MACROD1: variants seen among roughly 807,000 people sequenced by gnomAD.
MACROD1 encodes ADP-ribose glycohydrolase MACROD1.
In MACROD1, 31 loss-of-function variants were observed where a neutral mutation model predicts 41.4. That is an observed-to-expected ratio of 0.75 (90% CI 0.56 to 1.01). The LOEUF (loss-of-function observed/expected upper bound fraction) is 1.01, where lower values mean the gene tolerates loss of function less well. MACROD1 is among the 50% of genes least tolerant of loss of function. The pLI, the probability that MACROD1 is intolerant of heterozygous loss-of-function variation, is 0.00. For synonymous variants in MACROD1, 252 were observed against 203.4 expected, an observed-to-expected ratio of 1.24 and a Z score of -2.03; for missense variants, 473 against 460.0, an observed-to-expected ratio of 1.03 and a Z score of -0.26.
At chr11:64,102,691 T>C (rs1455052115) in intron 3 of MACROD1, among the ~76,000 whole-genome samples, 1 of 152,024 alleles carries the variant, frequency 6.6e-6, no homozygotes, top group Non-Finnish European at 1.5e-5. Flanking sequence ...GCATGGCCAA[T>C]TGTCAGGATT....
In MACROD1 at chr11:64,146,644, T is replaced by C. The variant is rs1453844117; in HGVS notation, c.517+4595A>G. Among the ~76,000 whole-genome samples the C allele has an allele frequency of 6.6e-6, 1 of 152,082 alleles. No homozygotes were observed. The highest frequency in any genetic ancestry group is 1.5e-5 in the Non-Finnish European group (1 of 68,016). On this transcript the variant is annotated intron_variant, in intron 3 of 10. Coordinates refer to ENST00000255681, the MANE Select transcript of MACROD1 (RefSeq NM_014067.4). The surrounding 1 kb of genome is among the most constrained non-coding windows in gnomAD (Gnocchi z 4.7). ...CCAGGCATCCCCACTTCTATGCTTC[T>C]GCCCAACCTCCCACCTCACTCCCAC... is the stretch of plus-strand genomic sequence containing the variant.
At chr11:64,085,404 G>A (rs1339912149) in intron 3 of MACROD1, among the ~76,000 whole-genome samples, 1 of 152,226 alleles carries the variant, frequency 6.6e-6, no homozygotes. Flanking sequence ...CTGCCTTCCG[G>A]GGACGGAGGG....
intron 3 of MACROD1, among the ~76,000 whole-genome samples, chr11:64,123,571 G>A (rs1348191268): frequency 1.3e-5 from 2 of 151,822 alleles, no homozygotes; most frequent in Non-Finnish European, 2.9e-5. Context: ...GGGGGCACCT[G>A]CCCTGGCTTG....
At chr11:64,048,553 G>C (rs1432580746) in intron 3 of MACROD1, among the ~76,000 whole-genome samples, 1 of 152,218 alleles carries the variant, frequency 6.6e-6, no homozygotes, top group Non-Finnish European at 1.5e-5. Flanking sequence ...GAGAGGTGCA[G>C]AAGTCAAGCA....
chr11:64,107,735 C>T (rs1944788796), intron 3 of MACROD1, among the ~76,000 whole-genome samples: 1 of 152,232 alleles, frequency 6.6e-6, no homozygotes, highest in African/African-American at 2.4e-5. Context: ...GCACCCTGCC[C>T]TGGCGGGAGC....
At chr11:64,099,131 T>C (rs1442821817) in intron 3 of MACROD1, among the ~76,000 whole-genome samples, 2 of 152,174 alleles carry the variant, frequency 1.3e-5, no homozygotes, top group African/African-American at 4.8e-5. Context: ...TCCCTCTGGA[T>C]TGCCACTGAG....
chr11:64,043,873 G>A (rs1943535532), intron 3 of MACROD1, among the ~76,000 whole-genome samples: 1 of 150,680 alleles, frequency 6.6e-6, no homozygotes. Context: ...GTGCGATGGT[G>A]CAATCTGGGC....
intron 5 of MACROD1, 142 bp from the exon 6 acceptor site, chr11:63,999,905 C>T: frequency 1.0e-6 from 1 of 986,734 alleles, no homozygotes; most frequent in Non-Finnish European, 1.5e-6. Flanking sequence ...GCCCCCACCC[C>T]TGTGGGCCCC....
chr11:64,002,618 C>T (rs1358779547), intron 4 of MACROD1, among the ~76,000 whole-genome samples: 1 of 152,140 alleles, frequency 6.6e-6, no homozygotes, highest in South Asian at 2.1e-4. Flanking sequence ...CCCTCCCTGT[C>T]CACACACCAG....
intron 4 of MACROD1, among the ~76,000 whole-genome samples, chr11:64,002,650 G>A (rs911491560): frequency 2.0e-5 from 3 of 152,130 alleles, no homozygotes; most frequent in Admixed American, 1.3e-4. Context: ...TCTCCCCTGA[G>A]AGTGCAGAGG....
At chr11:64,099,449 G>A (rs972787508) in intron 3 of MACROD1, among the ~76,000 whole-genome samples, 17 of 152,218 alleles carry the variant, frequency 1.1e-4, no homozygotes, top group African/African-American at 4.1e-4. Context: ...GAAAGATGGA[G>A]AAATGGATAG....
intron 3 of MACROD1, among the ~76,000 whole-genome samples, chr11:64,065,010 G>A (rs1168792789): frequency 6.6e-6 from 1 of 152,202 alleles, no homozygotes; most frequent in Non-Finnish European, 1.5e-5. Flanking sequence ...CAAGCCAGAG[G>A]CGGGCAATGC....
Position 64,148,035 on chromosome 11 carries a change from C to T in MACROD1, c.517+3204G>A, listed in dbSNP as rs565029559. Among the ~76,000 whole-genome samples the T allele has an allele frequency of 5.3e-5, 8 of 152,192 alleles. No individual in the cohort carries two copies. In the East Asian group the frequency reaches 9.7e-4, roughly 18 times the overall value. On this transcript the variant is annotated intron_variant, in intron 3 of 10. Coordinates refer to ENST00000255681, the MANE Select transcript of MACROD1 (RefSeq NM_014067.4). Reference sequence around the variant, plus strand: ...ATTACAGGAGTGAGCTACTACGTCCCGCCCAGGGTCCGATTCTCAATGGCC... The same window carrying T: ...ATTACAGGAGTGAGCTACTACGTCCTGCCCAGGGTCCGATTCTCAATGGCC...
At chr11:64,043,845 C>T (rs1943534965) in intron 3 of MACROD1, among the ~76,000 whole-genome samples, 1 of 148,190 alleles carries the variant, frequency 6.7e-6, no homozygotes, top group African/African-American at 2.5e-5. Flanking sequence ...GAGTTTCGCT[C>T]TTGTTGCCCA....
At chr11:64,142,837 C>T (rs1007378213) in intron 3 of MACROD1, among the ~76,000 whole-genome samples, 1 of 151,996 alleles carries the variant, frequency 6.6e-6, no homozygotes, top group African/African-American at 2.4e-5. Flanking sequence ...AAAACTGGGC[C>T]GGGCATGGTG....
At chr11:64,053,591 C>T (rs1943732186) in intron 3 of MACROD1, among the ~76,000 whole-genome samples, 1 of 152,134 alleles carries the variant, frequency 6.6e-6, no homozygotes, top group Non-Finnish European at 1.5e-5. Context: ...AGAGTGGGAG[C>T]AGGAAGTGGG....
chr11:64,073,460 C>T (rs563251092), intron 3 of MACROD1, among the ~76,000 whole-genome samples: 119 of 152,350 alleles, frequency 7.8e-4, no homozygotes, highest in African/African-American at 2.8e-3. Context: ...AGTTTGGGCA[C>T]CTGTCAGGTG....
chr11:63,999,065 G>C, intron 8 of MACROD1, 29 bp from the exon 9 acceptor site: 1 of 1,569,930 alleles, frequency 6.4e-7, no homozygotes, highest in Non-Finnish European at 8.6e-7. Context: ...AGCCTGGGCC[G>C]AGCTGCCACG....
At chr11:64,050,292 C>T (rs572246454) in intron 3 of MACROD1, among the ~76,000 whole-genome samples, 4 of 152,260 alleles carry the variant, frequency 2.6e-5, no homozygotes, top group African/African-American at 9.6e-5. Context: ...CCAGGACTCA[C>T]AGCTACCACG....
Sources: gnomAD v4.1 joint callset for allele counts (sites outside exome capture counted in the v4.1 genomes callset) on GRCh38, gnomAD v4.1.1 for gene constraint, Gnocchi (gnomAD v3.1) non-coding constraint, MANE v1.5 for transcripts, NCBI Gene and HGNC (gene_info 2026-07-23, HGNC 2026-07-21) for gene names.